The following FRMD6 variants were observed in gnomAD, a reference collection of about 807,000 sequenced individuals.
FRMD6 encodes the protein FERM domain containing 6, also known as FERM domain-containing protein 6.
A neutral mutation model predicts 73.2 loss-of-function variants in FRMD6; 37 were observed. The ratio of observed to expected loss-of-function variants is 0.51; its 90% confidence interval spans 0.39 to 0.66. The LOEUF is 0.66. Among genes scored for constraint, FRMD6 ranks in the 30% least tolerant of loss-of-function variants. FRMD6 has a pLI of 0.00. For synonymous variants in FRMD6, 273 were observed against 282.2 expected, an observed-to-expected ratio of 0.97 and a Z score of 0.33; for missense variants, 714 against 780.5, an observed-to-expected ratio of 0.91 and a Z score of 1.02.
chr14:51,721,808 C>T, intron 11 of FRMD6, 141 bp from the exon 12 acceptor site: 1 of 723,506 alleles, frequency 1.4e-6, no homozygotes, highest in African/African-American at 2.0e-5. Context: ...AAAATGGTCC[C>T]TGGAGTTTCC....
intron 2 of FRMD6, among the ~76,000 whole-genome samples, chr14:51,607,060 G>C (rs1376234987): frequency 6.6e-6 from 1 of 152,072 alleles, no homozygotes; most frequent in Non-Finnish European, 1.5e-5. Context: ...CACCCACACT[G>C]AGGGTGGGTC....
the FRMD6 span, among the ~76,000 whole-genome samples, chr14:51,482,408 T>C: frequency 6.6e-6 from 1 of 152,234 alleles, no homozygotes; most frequent in African/African-American, 2.4e-5. Context: ...TCAATCCATG[T>C]TTCTAGAACA....
Position 51,728,232 on chromosome 14 carries a change from G to T in FRMD6, c.*203G>T, listed in dbSNP as rs111955691. ...CAGAAGTAAAAGAACTACAGAAAAT[G>T]TACAGCAAGACAAGTGCCCGGAAGT... On this transcript the variant is annotated 3_prime_UTR_variant, in exon 14 of 14. Transcript: ENST00000344768. 2,211 of 554,954 alleles carry T rather than the reference G, an allele frequency of 4.0e-3. 35 individuals carry two copies. Among genetic ancestry groups the T allele is most frequent in the African/African-American group, 0.037 (1,986 of 53,582 alleles). The allele number at this position is 554,954 out of a possible 1,614,324, so 34.4% of individuals were successfully genotyped here. A position where few individuals can be genotyped will look rare whatever the true frequency, so the allele number is the denominator to read the frequency against.
intron 1 of FRMD6, among the ~76,000 whole-genome samples, chr14:51,543,066 T>C (rs1435349505): frequency 1.3e-5 from 2 of 152,046 alleles, no homozygotes; most frequent in Non-Finnish European, 2.9e-5. Context: ...TAGTATCCTT[T>C]GATGAACAAA....
chr14:51,689,857 T>G lies in FRMD6; in HGVS notation c.21T>G (p.His7Gln). ...ACACAATGAACAAATTGAATTTTCA[T>G]AACAACAGAGTCATGCAAGACCGCC... MNKLNF[H>Q]NNRVMQDRRS... The change falls in exon 2 of 14, where the codon CAT (histidine) becomes CAG (glutamine). Residue 7 changes from histidine to glutamine, a missense_variant. Coordinates refer to ENST00000344768, the MANE Select transcript of FRMD6 (RefSeq NM_001267046.2). The G allele has an allele frequency of 6.2e-7, 1 of 1,612,572 alleles. No homozygotes were observed.
intron 2 of FRMD6, among the ~76,000 whole-genome samples, chr14:51,621,689 C>T (rs1890933265): frequency 6.6e-6 from 1 of 151,948 alleles, no homozygotes; most frequent in Non-Finnish European, 1.5e-5. Flanking sequence ...TATATGATAC[C>T]AACACAATAC....
intron 11 of FRMD6, among the ~76,000 whole-genome samples, chr14:51,721,302 G>C (rs1897548685): frequency 6.6e-6 from 1 of 152,168 alleles, no homozygotes; most frequent in African/African-American, 2.4e-5. Context: ...TATAGGTAAT[G>C]CAGCAATCCG....
At chr14:51,667,786 A>C (rs370115960) in intron 1 of FRMD6, among the ~76,000 whole-genome samples, 76 of 152,332 alleles carry the variant, frequency 5.0e-4, no homozygotes, top group African/African-American at 1.7e-3. Context: ...TCTCATCTAG[A>C]ATTTAAAATA....
At chr14:51,471,563 C>T in the FRMD6 span, among the ~76,000 whole-genome samples, 1 of 151,314 alleles carries the variant, frequency 6.6e-6, no homozygotes, top group Non-Finnish European at 1.5e-5. Context: ...TTATAAAATT[C>T]CCAGTGCTGT....
intron 2 of FRMD6, among the ~76,000 whole-genome samples, chr14:51,606,292 G>A (rs2139837013): frequency 6.6e-6 from 1 of 152,280 alleles, no homozygotes; most frequent in Non-Finnish European, 1.5e-5. Context: ...CACAGGCACA[G>A]CCATACGTAC....
At chr14:51,715,536 C>G in intron 10 of FRMD6, 37 bp downstream of exon 10, 1 of 1,519,704 alleles carries the variant, frequency 6.6e-7, no homozygotes, top group Non-Finnish European at 8.9e-7. Context: ...CAAATTGTAC[C>G]TTTGCCACCT....
intron 1 of FRMD6, among the ~76,000 whole-genome samples, chr14:51,519,024 G>A (rs1011445216): frequency 6.6e-6 from 1 of 152,180 alleles, no homozygotes; most frequent in African/African-American, 2.4e-5. Context: ...GAACAAGATA[G>A]TCTTGTCCTC....
intron 12 of FRMD6, among the ~76,000 whole-genome samples, chr14:51,722,638 A>T (rs1264990845): frequency 6.6e-6 from 1 of 152,202 alleles, no homozygotes; most frequent in Non-Finnish European, 1.5e-5. Context: ...TGCATTCCCT[A>T]TAGTTATATA....
At chr14:51,416,912 CTTCT>C in the FRMD6 span, among the ~76,000 whole-genome samples, 15 of 152,204 alleles carry the variant, frequency 9.9e-5, no homozygotes, top group African/African-American at 3.4e-4. Context: ...ATGTAATGGC[CTTCT>C]TTGTCTCTTT....
At chr14:51,528,960 A>G (rs964449321) in intron 1 of FRMD6, among the ~76,000 whole-genome samples, 4 of 152,160 alleles carry the variant, frequency 2.6e-5, no homozygotes, top group African/African-American at 9.7e-5. Context: ...TCTTCTGTTA[A>G]CTTAATTGGA....
chr14:51,510,952 G>A (rs1209431148), intron 1 of FRMD6, among the ~76,000 whole-genome samples: 1 of 152,102 alleles, frequency 6.6e-6, no homozygotes, highest in East Asian at 1.9e-4. Context: ...GGGTCCACCT[G>A]AGGCAGTGTC....
intron 1 of FRMD6, among the ~76,000 whole-genome samples, chr14:51,494,717 T>A (rs1399552503): frequency 1.3e-5 from 2 of 152,202 alleles, no homozygotes; most frequent in African/African-American, 4.8e-5. Context: ...CTAATGGTAG[T>A]CTATGATAAC....
At chr14:51,602,922 T>C (rs1890096410) in intron 2 of FRMD6, among the ~76,000 whole-genome samples, 1 of 152,238 alleles carries the variant, frequency 6.6e-6, no homozygotes, top group African/African-American at 2.4e-5. Context: ...TACAATTGAT[T>C]GCTGTGGAAT....
chr14:51,515,353 C>T (rs1356770619), intron 1 of FRMD6, among the ~76,000 whole-genome samples: 2 of 152,250 alleles, frequency 1.3e-5, no homozygotes, highest in East Asian at 3.8e-4. Flanking sequence ...GTGGCAGGAC[C>T]TCTATTCTCC....
Sources: gnomAD v4.1 joint callset for allele counts (sites outside exome capture counted in the v4.1 genomes callset) on GRCh38, gnomAD v4.1.1 for gene constraint, MANE v1.5 for transcripts, NCBI Gene and HGNC (gene_info 2026-07-23, HGNC 2026-07-21) for gene names.